Variants in DNAH9 observed in about 807,000 individuals in gnomAD.
DNAH9 encodes the protein dynein axonemal heavy chain 9.
In DNAH9, 345 loss-of-function variants were observed where a neutral mutation model predicts 471.6. That is an observed-to-expected ratio of 0.73 (90% CI 0.67 to 0.80). The LOEUF (loss-of-function observed/expected upper bound fraction) is 0.80. Among genes scored for constraint, DNAH9 ranks in the 30% least tolerant of loss-of-function variants. The probability of loss-of-function intolerance (pLI) is 0.00; values close to 1 mark genes in which losing one functional copy is unlikely to be tolerated. For synonymous variants in DNAH9, 2,093 were observed against 2,123.6 expected, an observed-to-expected ratio of 0.99 and a Z score of 0.40; for missense variants, 5,407 against 5,609.2, an observed-to-expected ratio of 0.96 and a Z score of 1.15.
At chr17:11,776,276 T>C (rs73978406) in intron 38 of DNAH9, among the ~76,000 whole-genome samples, 11,959 of 151,902 alleles carry the variant, frequency 0.079, 826 homozygotes, top group African/African-American at 0.19. Context: ...GATATCAATG[T>C]TAAGATATTT....
Position 11,923,058 on chromosome 17 carries a change from T to TG in DNAH9, c.11750-756_11750-755insG, listed in dbSNP as rs200308187. On this transcript the variant is annotated intron_variant, in intron 61 of 68. Transcript: ENST00000262442. Reference sequence around the variant, plus strand: ...TGGTCTGAACAAGTGCTTCTTTTTTTTTTGTTTGTTTTGGTTTTTGTTTTG... The same window carrying TG: ...TGGTCTGAACAAGTGCTTCTTTTTTTGTTTGTTTGTTTTGGTTTTTGTTTTG... 5.2e-3 allele frequency among the ~76,000 whole-genome samples: 780 copies of TG among 151,230 alleles called. 6 individuals carry two copies. The highest frequency in any genetic ancestry group is 0.011 in the African/African-American group (453 of 41,248).
At chr17:11,654,566 A>G (rs551873283) in intron 14 of DNAH9, among the ~76,000 whole-genome samples, 2 of 152,110 alleles carry the variant, frequency 1.3e-5, no homozygotes, top group South Asian at 4.2e-4. Context: ...TAACATTTTA[A>G]TTATCCAGGG....
intron 60 of DNAH9, among the ~76,000 whole-genome samples, chr17:11,903,637 G>A (rs11078043): frequency 0.61 from 92,963 of 151,966 alleles, 31,121 homozygotes; most frequent in Middle Eastern, 0.76. Flanking sequence ...GGGCCCGGGC[G>A]CGGTGGCTCA....
intron 28 of DNAH9, among the ~76,000 whole-genome samples, chr17:11,731,849 G>A (rs62061839): frequency 0.074 from 11,239 of 152,040 alleles, 482 homozygotes; most frequent in East Asian, 0.14. Flanking sequence ...GAATAGTGCC[G>A]CAATAAACAT....
chr17:11,865,486 C>T (rs1972012687), intron 50 of DNAH9, among the ~76,000 whole-genome samples: 1 of 152,128 alleles, frequency 6.6e-6, no homozygotes, highest in African/African-American at 2.4e-5. Flanking sequence ...GTGAATCTGA[C>T]AATTATGTGT....
chr17:11,719,339 A>G lies in DNAH9; in HGVS notation c.5558A>G (p.Tyr1853Cys). ...LVITPLTDRC[Y>C]ITLTQSLHLT... Reference sequence around the variant, plus strand: ...TGCCCTCCCGTGTTTGGCAGGTGCTACATCACCCTCACCCAGTCCCTGCAC... The same window carrying G: ...TGCCCTCCCGTGTTTGGCAGGTGCTGCATCACCCTCACCCAGTCCCTGCAC... The change falls in exon 27 of 69, where the codon TAC becomes TGC. Residue 1853 changes from tyrosine to cysteine, a missense_variant. Transcript: ENST00000262442. 1.2e-6 allele frequency: 2 copies of G among 1,613,830 alleles called. No individual in the cohort carries two copies. The highest frequency in any genetic ancestry group is 1.7e-6 in the Non-Finnish European group (2 of 1,179,900).
intron 29 of DNAH9, among the ~76,000 whole-genome samples, chr17:11,741,768 T>C (rs2075436328): frequency 6.6e-6 from 1 of 152,220 alleles, no homozygotes; most frequent in Non-Finnish European, 1.5e-5. Context: ...TTGTTGTAGA[T>C]ACCCAGAGAA....
intron 45 of DNAH9, among the ~76,000 whole-genome samples, chr17:11,821,129 A>G (rs1253713268): frequency 6.6e-5 from 10 of 151,656 alleles, no homozygotes. Flanking sequence ...CTAAAAATAC[A>G]AAAAAAATTA....
intron 14 of DNAH9, among the ~76,000 whole-genome samples, chr17:11,655,728 T>C (rs1315982501): frequency 6.6e-6 from 1 of 151,876 alleles, no homozygotes; most frequent in Non-Finnish European, 1.5e-5. Context: ...CTGGATGGAA[T>C]TGGAGACCAT....
At chr17:11,863,845 T>C (rs1192406605) in intron 50 of DNAH9, among the ~76,000 whole-genome samples, 2 of 151,400 alleles carry the variant, frequency 1.3e-5, no homozygotes, top group African/African-American at 2.4e-5. Context: ...GTAGTTTGTA[T>C]TTCTGTGGGA....
intron 27 of DNAH9, among the ~76,000 whole-genome samples, chr17:11,719,696 G>A (rs2075022283): frequency 6.6e-6 from 1 of 152,148 alleles, no homozygotes; most frequent in African/African-American, 2.4e-5. Context: ...GCTTTCATGT[G>A]ATGAGGAAGC....
At chr17:11,752,695 T>C (rs1967210541) in intron 32 of DNAH9, 138 bp from the exon 33 acceptor site, 2 of 502,094 alleles carry the variant, frequency 4.0e-6, no homozygotes, top group Non-Finnish European at 3.2e-6. Context: ...AAAATAAAAA[T>C]AAAACCAGGT....
chr17:11,608,431 C>T (rs992090840), intron 2 of DNAH9, 106 bp downstream of exon 2: 46 of 860,534 alleles, frequency 5.3e-5, no homozygotes, highest in South Asian at 1.5e-4. Context: ...CACATCTCCT[C>T]GTTCTGCACA....
intron 66 of DNAH9, 118 bp from the exon 67 acceptor site, chr17:11,942,185 G>A: frequency 7.2e-7 from 1 of 1,381,662 alleles, no homozygotes; most frequent in Non-Finnish European, 1.0e-6. Context: ...CCATGTCAGT[G>A]GGTGGAGGGG....
intron 7 of DNAH9, 81 bp downstream of exon 7, chr17:11,629,665 C>T: frequency 7.8e-7 from 1 of 1,287,290 alleles, no homozygotes; most frequent in Non-Finnish European, 1.1e-6. Flanking sequence ...TATTTACTTG[C>T]ATTTTCCCTG....
chr17:11,745,236 C>G, intron 31 of DNAH9, 152 bp downstream of exon 31: 1 of 683,158 alleles, frequency 1.5e-6, no homozygotes, highest in South Asian at 2.0e-5. Context: ...CCACTCTTAA[C>G]TGGGGACCCA....
intron 27 of DNAH9, among the ~76,000 whole-genome samples, chr17:11,727,072 A>AC: frequency 6.7e-6 from 1 of 149,708 alleles, no homozygotes; most frequent in Non-Finnish European, 1.5e-5. Flanking sequence ...AAAAAAAAAA[A>AC]AAAAACCCGC....
intron 53 of DNAH9, among the ~76,000 whole-genome samples, chr17:11,876,176 A>C (rs1169549740): frequency 6.6e-6 from 1 of 152,202 alleles, no homozygotes; most frequent in East Asian, 1.9e-4. Context: ...CATAATAGAC[A>C]AAAGGTGAAG....
At chr17:11,752,788 G>A (rs1967214304) in intron 32 of DNAH9, 45 bp from the exon 33 acceptor site, 1 of 1,493,168 alleles carries the variant, frequency 6.7e-7, no homozygotes, top group Non-Finnish European at 9.0e-7. Context: ...AGTGAAAGAG[G>A]ATTAATGAAG....
Sources: gnomAD v4.1 joint callset for allele counts (sites outside exome capture counted in the v4.1 genomes callset) on GRCh38, gnomAD v4.1.1 for gene constraint, MANE v1.5 for transcripts, NCBI Gene and HGNC (gene_info 2026-07-23, HGNC 2026-07-21) for gene names.